ATG2A: variants seen among roughly 807,000 people sequenced by gnomAD.
The protein encoded by ATG2A is autophagy-related protein 2 homolog A.
Under a neutral mutation model 214.2 loss-of-function variants are expected in ATG2A, and 103 were observed. The ratio of observed to expected loss-of-function variants is 0.48; its 90% CI spans 0.41 to 0.57. The LOEUF is 0.57. Ranked by LOEUF, ATG2A falls within the 20% of genes least tolerant of loss-of-function variation. ATG2A has a pLI of 0.00. For synonymous variants in ATG2A, 1,160 were observed against 1,142.1 expected (o/e 1.02, Z -0.32); for missense variants, 2,312 against 2,613.2 (o/e 0.88, Z 2.51).
chr11:64,901,921 C>T (rs1944363104), intron 29 of ATG2A, 41 bp downstream of exon 29: 1 of 1,601,444 alleles, frequency 6.2e-7, no homozygotes, highest in Admixed American at 1.7e-5. Context: ...CCAAACACAC[C>T]TGCCTGGACG....
rs750303713 is a variant in ATG2A, at chr11:64,911,909, T to A, written c.1161A>T (p.Val387=). 17 of 1,613,622 alleles carry A rather than the reference T, an allele frequency of 1.1e-5. No individual in the cohort carries two copies. Among genetic ancestry groups the A allele is most frequent in the Non-Finnish European group, 1.4e-5 (17 of 1,179,812 alleles). ...CGCTGCGCACAGAGGAGGCCAGGTCTACATCGGAGAGGGAGAGCTCAGAGA... is the reference window on the plus strand; with the variant it reads ...CGCTGCGCACAGAGGAGGCCAGGTCAACATCGGAGAGGGAGAGCTCAGAGA... ...SALSELSLSD[V]DLASSVRSDM... Residue 387 remains valine (V), a synonymous_variant, in exon 9 of 41, where the codon GTA becomes GTT. Transcript: ENST00000377264.
At position 64,895,075 on chromosome 11, in the gene ATG2A, C is replaced by A; in HGVS notation, c.5715G>T (p.Thr1905=). The A allele has an allele frequency of 6.2e-7, 1 of 1,612,992 alleles. No individual in the cohort carries two copies. ...PTVVKPLILA[T]EATSSLLGGM... is the part of the protein sequence containing the mutation. ...CCCCGAGCAGGCTGGACGTGGCCTC[C>A]GTGGCCAGGATGAGCGGCTTCACCA... Residue 1905 remains threonine (T), a synonymous_variant, in exon 41 of 41, where the codon ACG becomes ACT. Coordinates refer to ENST00000377264, the MANE Select transcript of ATG2A (RefSeq NM_015104.3). The surrounding 1 kb of genome is among the most constrained non-coding windows in gnomAD (Gnocchi z 5.0).
intron 27 of ATG2A, 58 bp from the exon 28 acceptor site, chr11:64,902,444 G>A (rs1384906393): frequency 5.2e-6 from 8 of 1,528,468 alleles, no homozygotes; most frequent in Non-Finnish European, 7.1e-6. Flanking sequence ...CCCAACCCCA[G>A]GCCCGAGGGC....
Position 64,900,617 on chromosome 11 carries a change from G to T in ATG2A, c.4341C>A (p.Gly1447=). ...GPHPGHRART[G]LSGPRSSPSR... ...AAGGGGAGCTCCTGGGACCTGAGAGGCCAGTTCTTGCCCTGGGAAGAGGGA... is the reference window on the plus strand; with the variant it reads ...AAGGGGAGCTCCTGGGACCTGAGAGTCCAGTTCTTGCCCTGGGAAGAGGGA... Residue 1447 remains glycine, a synonymous_variant, in exon 31 of 41, where the codon GGC becomes GGA. Transcript: ENST00000377264. 4 of 1,606,822 alleles carry T rather than the reference G, an allele frequency of 2.5e-6. No homozygotes were observed. The South Asian group carries it at 3.3e-5, about 13-fold the overall frequency.
rs1201080565 is a variant in ATG2A at position 64,910,126 on chromosome 11, C to T, written c.1777G>A (p.Ala593Thr). The change falls in exon 13 of 41, where the codon GCG becomes ACG. Residue 593 changes from alanine to threonine, a missense_variant. Coordinates refer to ENST00000377264, the MANE Select transcript of ATG2A (RefSeq NM_015104.3). ...TCCAGGGCCCCCAGCTCCACGTCCGCCTGGAAGTTGGCCAGGTCCAGGGCC... is the reference window on the plus strand; with the variant it reads ...TCCAGGGCCCCCAGCTCCACGTCCGTCTGGAAGTTGGCCAGGTCCAGGGCC... ...ELALDLANFQ[A>T]DVELGALDRL... 1.9e-6 allele frequency: 3 copies of T among 1,611,916 alleles called. No homozygotes were observed. The highest frequency in any genetic ancestry group is 2.2e-5 in the East Asian group (1 of 44,888).
At position 64,903,469 on chromosome 11, in the gene ATG2A, C is replaced by T. The variant is rs922842547; in HGVS notation, c.3536-105G>A. The T allele has an allele frequency of 3.1e-5, 47 of 1,496,376 alleles. No homozygotes were observed. The highest frequency in any genetic ancestry group is 1.9e-4 in the Middle Eastern group (1 of 5,306). The allele number at this position is 1,496,376 out of a possible 1,614,324, so 92.7% of individuals were successfully genotyped here. A position where few individuals can be genotyped will look rare whatever the true frequency, so the allele number is the denominator to read the frequency against. On this transcript the variant is annotated intron_variant, in intron 25 of 40. Transcript: ENST00000377264. This position sits in a 1 kb window ranked among gnomAD's most constrained non-coding sequence, Gnocchi z 4.2. ...TGATCCAGGTGTAGTCCCTGCTGTG[C>T]GGGCTACGTGTGGGAGCTAAGGACC...
Position 64,910,146 on chromosome 11 carries a change from A to G in ATG2A, c.1757T>C (p.Leu586Pro). ...GTCCGCCTGGAAGTTGGCCAGGTCC[A>G]GGGCCAGTTCTGAGTGGCAATGGCA... ...VACHCHSELA[L>P]DLANFQADVE... is the part of the protein sequence containing the mutation. The change falls in exon 13 of 41, where the codon CTG becomes CCG. Residue 586 changes from leucine to proline, a missense_variant. Leu to Pro is a moderately conservative substitution (Grantham distance 98, BLOSUM62 -3). Coordinates refer to ENST00000377264, the MANE Select transcript of ATG2A (RefSeq NM_015104.3). 1 of 1,611,706 alleles carries G rather than the reference A, an allele frequency of 6.2e-7. No homozygotes were observed.
Position 64,913,424 on chromosome 11 carries a change from G to C in ATG2A, c.591-23C>G. The C allele has an allele frequency of 6.5e-7, 1 of 1,548,876 alleles. No individual in the cohort carries two copies. Among genetic ancestry groups the C allele is most frequent in the Non-Finnish European group, 8.7e-7 (1 of 1,144,408 alleles). On this transcript the variant is annotated intron_variant, in intron 4 of 40. Coordinates refer to ENST00000377264, the MANE Select transcript of ATG2A (RefSeq NM_015104.3). This position sits in a 1 kb window ranked among gnomAD's most constrained non-coding sequence, Gnocchi z 4.3. Reference sequence around the variant, plus strand: ...AGTCTGGAGAGTGTAGGGTCAGCCCGTGCCCTGGCCACCCCAGGCCTGGAG... The same window carrying C: ...AGTCTGGAGAGTGTAGGGTCAGCCCCTGCCCTGGCCACCCCAGGCCTGGAG...
At position 64,898,248 on chromosome 11, in the gene ATG2A, G is replaced by A. The variant is rs768349863; in HGVS notation, c.4773+13C>T. ...GGGTCACCCTAGGCTCTGCCCTCAC[G>A]TAGACCACTCACCTGGTCCACATTG... On this transcript the variant is annotated intron_variant, in intron 33 of 40. Transcript: ENST00000377264. The surrounding 1 kb of genome is among the most constrained non-coding windows in gnomAD (Gnocchi z 4.5). 6 of 1,613,794 alleles carry A rather than the reference G, an allele frequency of 3.7e-6. No individual in the cohort carries two copies. Among genetic ancestry groups the A allele is most frequent in the South Asian group, 3.3e-5 (3 of 91,074 alleles).
Position 64,895,374 on chromosome 11 carries a change from C to T in ATG2A, c.5496G>A (p.Lys1832=), listed in dbSNP as rs1484370084. Residue 1832 remains lysine (K), a synonymous_variant, in exon 40 of 41, where the codon AAG becomes AAA. Coordinates refer to ENST00000377264, the MANE Select transcript of ATG2A (RefSeq NM_015104.3). This position sits in a 1 kb window ranked among gnomAD's most constrained non-coding sequence, Gnocchi z 5.0. ...AAPVSRSLQD[K]RSARRLRRGQ... ...CCCTGCGCAGCCTCCGCGCAGAGCG[C>T]TTATCCTGCAGGGAGCGGGAGACGG... 1.2e-6 allele frequency: 2 copies of T among 1,612,650 alleles called. No individual in the cohort carries two copies. The highest frequency in any genetic ancestry group is 1.7e-5 in the Admixed American group (1 of 59,926).
rs565760274 is a variant in ATG2A at position 64,912,140 on chromosome 11, A to C, written c.1032T>G (p.Ala344=). 6.2e-7 allele frequency: 1 copy of C among 1,613,844 alleles called. No homozygotes were observed. The highest frequency in any genetic ancestry group is 1.7e-5 in the Admixed American group (1 of 60,012). Residue 344 remains alanine (A), a synonymous_variant, in exon 8 of 41, where the codon GCT becomes GCG. Transcript: ENST00000377264. ...LNQQLQAGAV[A]EPLSPDPLTN... Reference sequence around the variant, plus strand: ...TAAGGGGGTCTGGGCTGAGGGGCTCAGCCACTGCCCCTGCCTGCAGCTGCT... The same window carrying C: ...TAAGGGGGTCTGGGCTGAGGGGCTCCGCCACTGCCCCTGCCTGCAGCTGCT...
Position 64,896,773 on chromosome 11 carries a change from G to A in ATG2A, c.5247C>T (p.Gly1749=), listed in dbSNP as rs1944167594. ...AGAGCTGGACAACCGAGTGCATGGG[G>A]CCCACGCCTCCCAGCAGGCCGGGCA... ...NQLPGLLGGV[G]PMHSVVQLFQ... Residue 1749 remains glycine, a synonymous_variant, in exon 38 of 41, where the codon GGC becomes GGT. Coordinates refer to ENST00000377264, the MANE Select transcript of ATG2A (RefSeq NM_015104.3). 1.9e-6 allele frequency: 3 copies of A among 1,614,120 alleles called. No individual in the cohort carries two copies. Among genetic ancestry groups the A allele is most frequent in the Admixed American group, 3.3e-5 (2 of 60,014 alleles).
chr11:64,894,814 C>T lies in ATG2A; in HGVS notation c.*159G>A, dbSNP rs1466555389. The T allele has an allele frequency of 4.4e-6, 4 of 915,692 alleles. No individual in the cohort carries two copies. The highest frequency in any genetic ancestry group is 7.2e-6 in the Non-Finnish European group (4 of 559,360). 56.7% of individuals were successfully genotyped at this position (915,692 alleles called of 1,614,324 possible). On this transcript the variant is annotated 3_prime_UTR_variant, in exon 41 of 41. Coordinates refer to ENST00000377264, the MANE Select transcript of ATG2A (RefSeq NM_015104.3). ...GGCTAAGGCCCCAAGGCAGGGAGGCCCCCCTCTCACAGCAGATTGGCAACG... is the reference window on the plus strand; with the variant it reads ...GGCTAAGGCCCCAAGGCAGGGAGGCTCCCCTCTCACAGCAGATTGGCAACG...
In ATG2A at chr11:64,913,320, G is replaced by C; in HGVS notation, c.672C>G (p.His224Gln). Residue 224 changes from histidine to glutamine, a missense_variant, in exon 5 of 41, where the codon CAC (histidine) becomes CAG (glutamine). Transcript: ENST00000377264. This position sits in a 1 kb window ranked among gnomAD's most constrained non-coding sequence, Gnocchi z 4.3. ...GGACCCCTGCCAGCTGCAGCAGCTT[G>C]TGCAGGAAGGCAGGCGGCTGATGCA... ...VDVHQPPAFL[H>Q]KLLQLAGVRL... 1 of 1,608,948 alleles carries C rather than the reference G, an allele frequency of 6.2e-7. No homozygotes were observed. Among genetic ancestry groups the C allele is most frequent in the African/African-American group, 1.3e-5 (1 of 74,996 alleles).
At position 64,903,574 on chromosome 11, in the gene ATG2A, T is replaced by C; in HGVS notation, c.3535+16A>G. 1 of 1,542,274 alleles carries C rather than the reference T, an allele frequency of 6.5e-7. No homozygotes were observed. The highest frequency in any genetic ancestry group is 8.8e-7 in the Non-Finnish European group (1 of 1,141,482). On this transcript the variant is annotated intron_variant, in intron 25 of 40. Transcript: ENST00000377264. The surrounding 1 kb of genome is among the most constrained non-coding windows in gnomAD (Gnocchi z 4.2). ...GTCCCTCAGAGGGGAGGGAGCCCAG[T>C]CCCGGCCCTGCCCACCTCGCCGCAG...
chr11:64,897,138 C>T (rs1944182405), intron 37 of ATG2A: 3 of 620,956 alleles, frequency 4.8e-6, no homozygotes, highest in South Asian at 2.1e-5. Context: ...CTGCCTCAGC[C>T]TCCTGAGTAG....
Position 64,910,606 on chromosome 11 carries a change from G to T in ATG2A, c.1707+10C>A. 6.3e-7 allele frequency: 1 copy of T among 1,591,414 alleles called. No homozygotes were observed. The highest frequency in any genetic ancestry group is 2.3e-5 in the East Asian group (1 of 43,326). Reference sequence around the variant, plus strand: ...GGGGACAGCCTGGTGGCCTGGAGCGGGTGGGTTACCTTAGGCACACGGCGC... The same window carrying T: ...GGGGACAGCCTGGTGGCCTGGAGCGTGTGGGTTACCTTAGGCACACGGCGC... On this transcript the variant is annotated intron_variant, in intron 12 of 40. Transcript: ENST00000377264.
chr11:64,907,154 T>C lies in ATG2A; in HGVS notation c.2832+101A>G. On this transcript the variant is annotated intron_variant, in intron 19 of 40. Transcript: ENST00000377264. ...GCTGGCGCTGCCCACTCAGGCCTCC[T>C]GCTCTCCACATTCTTGACCTGGAGC... 4 of 1,365,400 alleles carry C rather than the reference T, an allele frequency of 2.9e-6. No individual in the cohort carries two copies. The South Asian group carries it at 6.1e-5, about 21-fold the overall frequency. The allele number at this position is 1,365,400 out of a possible 1,614,324, so 84.6% of individuals were successfully genotyped here.
At chr11:64,916,297 CG>C (rs773248950) in intron 1 of ATG2A, among the ~76,000 whole-genome samples, 9 of 152,092 alleles carry the variant, frequency 5.9e-5, no homozygotes, top group Non-Finnish European at 1.3e-4. Flanking sequence ...GACACTGAGC[CG>C]GGGGGGTCGG....
Sources: gnomAD v4.1 joint callset for allele counts (sites outside exome capture counted in the v4.1 genomes callset) on GRCh38, gnomAD v4.1.1 for gene constraint, Gnocchi (gnomAD v3.1) non-coding constraint, MANE v1.5 for transcripts, NCBI Gene and HGNC (gene_info 2026-07-23, HGNC 2026-07-21) for gene names.